The following CDH18 variants were observed in gnomAD, a reference collection of about 807,000 sequenced individuals.
CDH18 encodes cadherin-18.
Under a neutral mutation model 67.9 loss-of-function variants are expected in CDH18, and 31 were observed. That is an observed-to-expected ratio of 0.46 (90% confidence interval 0.34 to 0.62). The LOEUF (loss-of-function observed/expected upper bound fraction) is 0.62, where lower values mean the gene tolerates loss of function less well. Among genes scored for constraint, CDH18 ranks in the 20% least tolerant of loss-of-function variants. CDH18 has a pLI of 0.01. For missense variants in CDH18, 890 were observed against 975.5 expected (o/e 0.91, Z 1.17); for synonymous variants, 362 against 347.2 (o/e 1.04, Z -0.48).
chr5:20,212,915 T>A (rs1414006339), intron 2 of CDH18, among the ~76,000 whole-genome samples: 7 of 152,090 alleles, frequency 4.6e-5, no homozygotes, highest in Non-Finnish European at 1.5e-5. Context: ...AGCATTTTTT[T>A]ACTGTTTTGC....
At chr5:19,746,409 G>A (rs758695479) in intron 4 of CDH18, among the ~76,000 whole-genome samples, 4 of 152,142 alleles carry the variant, frequency 2.6e-5, no homozygotes, top group Non-Finnish European at 5.9e-5. Flanking sequence ...ACTTCACGGG[G>A]CTGTCATATA....
chr5:19,774,359 A>C (rs1774049936), intron 3 of CDH18, among the ~76,000 whole-genome samples: 1 of 151,706 alleles, frequency 6.6e-6, no homozygotes, highest in Admixed American at 6.6e-5. Context: ...GGCTGAAGTG[A>C]GCATAACCGT....
chr5:19,519,387 T>C (rs536812986), intron 10 of CDH18, among the ~76,000 whole-genome samples: 1 of 152,218 alleles, frequency 6.6e-6, no homozygotes, highest in Non-Finnish European at 1.5e-5. Flanking sequence ...TCAGCACAAG[T>C]TTCAAAATGA....
chr5:19,960,598 T>G (rs1191493881), intron 2 of CDH18, among the ~76,000 whole-genome samples: 2 of 137,588 alleles, frequency 1.5e-5, no homozygotes, highest in African/African-American at 6.1e-5. Context: ...TGTATATATA[T>G]ATATACACAC....
intron 2 of CDH18, among the ~76,000 whole-genome samples, chr5:20,018,170 T>G (rs1287811972): frequency 6.6e-6 from 1 of 152,158 alleles, no homozygotes; most frequent in Non-Finnish European, 1.5e-5. Context: ...GGTTAAGTAT[T>G]TAATAACTTG....
chr5:20,302,297 CTT>C (rs1472443734), intron 1 of CDH18, among the ~76,000 whole-genome samples: 1 of 152,136 alleles, frequency 6.6e-6, no homozygotes, highest in Admixed American at 6.5e-5. Context: ...GTTGAATAAA[CTT>C]AACGTCAATC....
At chr5:19,553,743 T>C (rs1684832) in intron 8 of CDH18, among the ~76,000 whole-genome samples, 101,015 of 150,382 alleles carry the variant, frequency 0.67, 34,226 homozygotes, top group Middle Eastern at 0.74. Flanking sequence ...TGGGCTCAAG[T>C]GATCCTCCCA....
chr5:20,408,331 T>C (rs558713060), intron 1 of CDH18, among the ~76,000 whole-genome samples: 5 of 152,140 alleles, frequency 3.3e-5, no homozygotes, highest in Non-Finnish European at 4.4e-5. Context: ...ATAAAACTCA[T>C]TGGTAGAGGT....
chr5:20,056,709 G>A (rs1375402039), intron 2 of CDH18, among the ~76,000 whole-genome samples: 2 of 105,030 alleles, frequency 1.9e-5, no homozygotes, highest in African/African-American at 3.9e-5. Flanking sequence ...TTTTTGAGAC[G>A]AAGTCTCACT....
chr5:19,684,186 T>C (rs922021141), intron 5 of CDH18, among the ~76,000 whole-genome samples: 8 of 152,090 alleles, frequency 5.3e-5, no homozygotes, highest in African/African-American at 1.9e-4. Context: ...ATGTCTACTA[T>C]TTTTACTTTA....
chr5:19,909,158 C>T (rs1462328884), intron 2 of CDH18, among the ~76,000 whole-genome samples: 10 of 152,124 alleles, frequency 6.6e-5, no homozygotes, highest in Non-Finnish European at 1.3e-4. Context: ...TGCTATGACA[C>T]GTTTCCTGGT....
chr5:20,056,289 C>A (rs1308679149), intron 2 of CDH18, among the ~76,000 whole-genome samples: 1 of 149,508 alleles, frequency 6.7e-6, no homozygotes, highest in African/African-American at 2.4e-5. Flanking sequence ...CAGGCATGAG[C>A]CACCACACGC....
intron 4 of CDH18, among the ~76,000 whole-genome samples, chr5:19,746,674 C>A (rs769941850): frequency 1.3e-5 from 2 of 152,214 alleles, no homozygotes; most frequent in Non-Finnish European, 2.9e-5. Flanking sequence ...AAGTATTCCA[C>A]GTGTTTTCAA....
intron 10 of CDH18, among the ~76,000 whole-genome samples, chr5:19,511,812 A>T (rs1745164313): frequency 6.6e-6 from 1 of 152,178 alleles, no homozygotes; most frequent in Non-Finnish European, 1.5e-5. Context: ...AGTTTGGAAA[A>T]TTTGAAGCCT....
chr5:19,795,761 C>T (rs897138017), intron 3 of CDH18, among the ~76,000 whole-genome samples: 1 of 152,012 alleles, frequency 6.6e-6, no homozygotes, highest in Admixed American at 6.6e-5. Flanking sequence ...GATGTCAACA[C>T]CGCAATGAAC....
intron 2 of CDH18, among the ~76,000 whole-genome samples, chr5:20,244,829 A>T (rs1207330760): frequency 1.3e-5 from 2 of 152,082 alleles, no homozygotes; most frequent in African/African-American, 4.8e-5. Context: ...AAGATAAATA[A>T]AGATCCTAGT....
At chr5:19,624,295 C>G (rs1033916092) in intron 5 of CDH18, among the ~76,000 whole-genome samples, 1 of 152,062 alleles carries the variant, frequency 6.6e-6, no homozygotes, top group Non-Finnish European at 1.5e-5. Flanking sequence ...GTGTGAGCCA[C>G]CACCCTGGCT....
intron 1 of CDH18, among the ~76,000 whole-genome samples, chr5:20,302,228 G>A (rs146723403): frequency 2.6e-4 from 39 of 152,254 alleles, no homozygotes; most frequent in Middle Eastern, 6.8e-3. Flanking sequence ...AGGGAAGCAC[G>A]TGTGGCTAAG....
intron 2 of CDH18, among the ~76,000 whole-genome samples, chr5:20,115,007 T>C (rs1321703640): frequency 6.6e-6 from 1 of 152,136 alleles, no homozygotes; most frequent in Non-Finnish European, 1.5e-5. Flanking sequence ...AGGAGAGTTT[T>C]ATTTGGTTCA....
Sources: gnomAD v4.1 joint callset for allele counts (sites outside exome capture counted in the v4.1 genomes callset) on GRCh38, gnomAD v4.1.1 for gene constraint, MANE v1.5 for transcripts, NCBI Gene and HGNC (gene_info 2026-07-23, HGNC 2026-07-21) for gene names.